Variants in RASL11B observed in about 807,000 individuals in gnomAD.
RASL11B encodes RAS like family 11 member B.
A neutral mutation model predicts 22.9 loss-of-function variants in RASL11B; 14 were observed. The ratio of observed to expected loss-of-function variants is 0.61; its 90% CI spans 0.40 to 0.96. RASL11B has a LOEUF of 0.96. RASL11B is among the 40% of genes least tolerant of loss of function. The probability of loss-of-function intolerance (pLI) is 0.00; values close to 1 mark genes in which losing one functional copy is unlikely to be tolerated. For synonymous variants in RASL11B, 143 were observed against 130.2 expected, an observed-to-expected ratio of 1.10 and a Z score of -0.67; for missense variants, 261 against 322.0, an observed-to-expected ratio of 0.81 and a Z score of 1.45.
rs572801329 is a variant in RASL11B, at chr4:52,862,907, G to T, written c.142+258G>T. On this transcript the variant is annotated intron_variant, in intron 1 of 3. Coordinates refer to ENST00000248706, the MANE Select transcript of RASL11B (RefSeq NM_023940.3). ...GCACCGCCGCCATCAGAACTTTGGGGTGTTTGAGCCTCTGGCAATGCCTGG... is the reference window on the plus strand; with the variant it reads ...GCACCGCCGCCATCAGAACTTTGGGTTGTTTGAGCCTCTGGCAATGCCTGG... Among the ~76,000 whole-genome samples, 19 of 152,334 alleles carry T rather than the reference G, an allele frequency of 1.2e-4. 1 individual carries two copies. The East Asian group carries it at 3.7e-3, about 29-fold the overall frequency.
Position 52,862,574 on chromosome 4 carries a change from G to C in RASL11B, c.67G>C (p.Asp23His). The change falls in exon 1 of 4, where the codon GAC becomes CAC. Residue 23 changes from aspartate to histidine, a missense_variant. Asp to His is a moderately conservative substitution (Grantham distance 81, BLOSUM62 -1). Transcript: ENST00000248706. ...YPAPGNAAAS[D>H]CCVGAAGRRL... Reference sequence around the variant, plus strand: ...CGCGCCGGGCAACGCCGCGGCCTCCGACTGCTGTGTGGGCGCCGCCGGCCG... The same window carrying C: ...CGCGCCGGGCAACGCCGCGGCCTCCCACTGCTGTGTGGGCGCCGCCGGCCG... 1 of 1,603,800 alleles carries C rather than the reference G, an allele frequency of 6.2e-7. No homozygotes were observed. Among genetic ancestry groups the C allele is most frequent in the Non-Finnish European group, 8.5e-7 (1 of 1,177,118 alleles).
In RASL11B at chr4:52,864,495, C is replaced by G; in HGVS notation, c.217C>G (p.Gln73Glu). The G allele has an allele frequency of 6.2e-7, 1 of 1,603,460 alleles. No individual in the cohort carries two copies. The highest frequency in any genetic ancestry group is 8.5e-7 in the Non-Finnish European group (1 of 1,170,298). ...CTTCATAGGTAATCTCTATACTAGA[C>G]AAGTTCAGATAGAAGGTGAAACCCT... ...ERNAGNLYTR[Q>E]VQIEGETLAL... The change falls in exon 3 of 4, where the codon CAA (glutamine) becomes GAA (glutamate). Residue 73 changes from glutamine to glutamate, a missense_variant. Transcript: ENST00000248706.
rs753088679 is a variant in RASL11B, at chr4:52,864,528, C to G, written c.250C>G (p.Gln84Glu). Residue 84 changes from glutamine (Q) to glutamate (E), a missense_variant, in exon 3 of 4, where the codon CAG becomes GAG. Transcript: ENST00000248706. ...VQIEGETLAL[Q>E]VQDTPGIQVH... ...GATAGAAGGTGAAACCCTGGCTCTT[C>G]AGGTTCAAGACACTCCAGGTATTCA... 6.2e-7 allele frequency: 1 copy of G among 1,610,858 alleles called. No homozygotes were observed. Among genetic ancestry groups the G allele is most frequent in the Non-Finnish European group, 8.5e-7 (1 of 1,176,964 alleles).
At position 52,865,531 on chromosome 4, in the gene RASL11B, A is replaced by C; in HGVS notation, c.473A>C (p.His158Pro). ...VVVANKADLL[H>P]IKQVDPQLGL... ...GTGGCCAACAAAGCTGACCTGTTGC[A>C]CATCAAACAGGTTGACCCTCAGCTT... The change falls in exon 4 of 4, where the codon CAC (histidine) becomes CCC (proline). Residue 158 changes from histidine (H) to proline (P), a missense_variant. Coordinates refer to ENST00000248706, the MANE Select transcript of RASL11B (RefSeq NM_023940.3). The C allele has an allele frequency of 6.2e-7, 1 of 1,614,216 alleles. No individual in the cohort carries two copies. The highest frequency in any genetic ancestry group is 1.7e-5 in the Admixed American group (1 of 60,030).
In RASL11B at chr4:52,865,385, C is replaced by T. The variant is rs752580245; in HGVS notation, c.327C>T (p.Arg109=). The change falls in exon 4 of 4, where the codon CGC becomes CGT. Residue 109 remains arginine, a synonymous_variant. Coordinates refer to ENST00000248706, the MANE Select transcript of RASL11B (RefSeq NM_023940.3). ...GTGAACAGCTGAATAGGTGCATTCGCTGGGCAGATGCTGTGGTGATCGTTT... is the reference window on the plus strand; with the variant it reads ...GTGAACAGCTGAATAGGTGCATTCGTTGGGCAGATGCTGTGGTGATCGTTT... ...SCSEQLNRCI[R]WADAVVIVFS... 6.2e-7 allele frequency: 1 copy of T among 1,614,138 alleles called. No individual in the cohort carries two copies. The highest frequency in any genetic ancestry group is 1.1e-5 in the South Asian group (1 of 91,080).
Position 52,865,809 on chromosome 4 carries a change from A to T in RASL11B, c.*4A>T. On this transcript the variant is annotated 3_prime_UTR_variant, in exon 4 of 4. Transcript: ENST00000248706. ...GAGGACTGTCACCTCCGTCTGAAGC[A>T]GGAGGAGCACTCAAGGGGGTTTGGT... The T allele has an allele frequency of 6.2e-7, 1 of 1,609,532 alleles. No individual in the cohort carries two copies. Among genetic ancestry groups the T allele is most frequent in the Non-Finnish European group, 8.5e-7 (1 of 1,176,644 alleles).
At chr4:52,864,970 C>T (rs879298156) in intron 3 of RASL11B, among the ~76,000 whole-genome samples, 48 of 152,238 alleles carry the variant, frequency 3.2e-4, no homozygotes, top group Admixed American at 3.1e-3. Flanking sequence ...TAGGGTTTTT[C>T]CCCCCGCCTC....
In RASL11B at chr4:52,865,839, C is replaced by G. The variant is rs1275861526; in HGVS notation, c.*34C>G. On this transcript the variant is annotated 3_prime_UTR_variant, in exon 4 of 4. Coordinates refer to ENST00000248706, the MANE Select transcript of RASL11B (RefSeq NM_023940.3). Reference sequence around the variant, plus strand: ...GAGCACTCAAGGGGGTTTGGTCTTCCCAGGAAGAGGGCCTGAGGTTCTCCT... The same window carrying G: ...GAGCACTCAAGGGGGTTTGGTCTTCGCAGGAAGAGGGCCTGAGGTTCTCCT... 6.6e-7 allele frequency: 1 copy of G among 1,526,306 alleles called. No individual in the cohort carries two copies. The allele number at this position is 1,526,306 out of a possible 1,614,324, so 94.5% of individuals were successfully genotyped here.
intron 1 of RASL11B, 146 bp downstream of exon 1, chr4:52,862,795 T>C (rs1447103165): frequency 1.3e-5 from 13 of 969,646 alleles, no homozygotes; most frequent in South Asian, 1.8e-5. Flanking sequence ...GGGAGTGGGC[T>C]TAGCCGTTGT....
chr4:52,863,263 T>G lies in RASL11B; in HGVS notation c.143-5T>G. On this transcript the variant is annotated splice_region_variant and splice_polypyrimidine_tract_variant and intron_variant, in intron 1 of 3. Coordinates refer to ENST00000248706, the MANE Select transcript of RASL11B (RefSeq NM_023940.3). The stretch of plus-strand genomic sequence containing the variant: ...CACTTTGACGTTCTTTTTTCTGACG[T>G]GCAGCACTGGTGGTCCGGTTCCTCA... 6.2e-7 allele frequency: 1 copy of G among 1,613,480 alleles called. No individual in the cohort carries two copies.
At chr4:52,863,691 C>T (rs1485646466) in intron 2 of RASL11B, 1 of 199,954 alleles carries the variant, frequency 5.0e-6, no homozygotes, top group African/African-American at 2.3e-5. Context: ...CCACCCCTCT[C>T]CTTCTCTGCT....
Position 52,865,396 on chromosome 4 carries a change from C to G in RASL11B, c.338C>G (p.Ala113Gly). The stretch of plus-strand genomic sequence containing the variant: ...AATAGGTGCATTCGCTGGGCAGATG[C>G]TGTGGTGATCGTTTTCTCCATCACT... ...QLNRCIRWAD[A>G]VVIVFSITDY... Residue 113 changes from alanine (A) to glycine (G), a missense_variant, in exon 4 of 4, where the codon GCT (alanine) becomes GGT (glycine). Physicochemically the swap from Ala to Gly is moderately conservative, Grantham distance 60. Coordinates refer to ENST00000248706, the MANE Select transcript of RASL11B (RefSeq NM_023940.3). The G allele has an allele frequency of 6.2e-7, 1 of 1,614,172 alleles. No individual in the cohort carries two copies. The highest frequency in any genetic ancestry group is 8.5e-7 in the Non-Finnish European group (1 of 1,180,026).
chr4:52,864,311 C>A, intron 2 of RASL11B, 167 bp from the exon 3 acceptor site: 1 of 576,844 alleles, frequency 1.7e-6, no homozygotes, highest in Non-Finnish European at 3.1e-6. Context: ...GTTAAAATTG[C>A]TGTTGTTTTT....
rs373878805 is a variant in RASL11B, at chr4:52,865,726, A to G, written c.668A>G (p.Lys223Arg). The change falls in exon 4 of 4, where the codon AAG (lysine) becomes AGG (arginine). Residue 223 changes from lysine (K) to arginine (R), a missense_variant. By Grantham distance (26) the Lys-to-Arg change is conservative. Coordinates refer to ENST00000248706, the MANE Select transcript of RASL11B (RefSeq NM_023940.3). Reference sequence around the variant, plus strand: ...AGAACCTCCCTCATTCCCAGGCCCAAGTCACCCAACATGCAGGACCTGAAG... The same window carrying G: ...AGAACCTCCCTCATTCCCAGGCCCAGGTCACCCAACATGCAGGACCTGAAG... Reference protein sequence around the residue: ...KRRTSLIPRPKSPNMQDLKRR... With the variant: ...KRRTSLIPRPRSPNMQDLKRR... 48 of 1,613,932 alleles carry G rather than the reference A, an allele frequency of 3.0e-5. No homozygotes were observed. The highest frequency in any genetic ancestry group is 4.0e-5 in the Non-Finnish European group (47 of 1,180,028).
chr4:52,864,316 G>GT (rs906403095), intron 2 of RASL11B, 162 bp from the exon 3 acceptor site: 1 of 581,286 alleles, frequency 1.7e-6, no homozygotes. Context: ...AATTGCTGTT[G>GT]TTTTTTAAAA....
intron 3 of RASL11B, 78 bp from the exon 4 acceptor site, chr4:52,865,257 T>C: frequency 8.0e-7 from 1 of 1,252,612 alleles, no homozygotes; most frequent in Non-Finnish European, 1.1e-6. Context: ...AGGGCTCTTT[T>C]GAATTTGAAA....
chr4:52,865,886 G>A lies in RASL11B; in HGVS notation c.*81G>A, dbSNP rs934764359. The A allele has an allele frequency of 1.7e-5, 17 of 1,019,532 alleles. No individual in the cohort carries two copies. Among genetic ancestry groups the A allele is most frequent in the Non-Finnish European group, 2.5e-5 (17 of 690,630 alleles). The allele number at this position is 1,019,532 out of a possible 1,614,324, so 63.2% of individuals were successfully genotyped here. A position where few individuals can be genotyped will look rare whatever the true frequency, so the allele number is the denominator to read the frequency against. On this transcript the variant is annotated 3_prime_UTR_variant, in exon 4 of 4. Coordinates refer to ENST00000248706, the MANE Select transcript of RASL11B (RefSeq NM_023940.3). ...TCCTAGTGCAGGAACGTTGAATATT[G>A]GCAATGATTCCTGGTTCCAGAAAGG...
In RASL11B at chr4:52,862,356, C is replaced by T. The variant is rs1221670160; in HGVS notation, c.-152C>T. 3 of 719,232 alleles carry T rather than the reference C, an allele frequency of 4.2e-6. No individual in the cohort carries two copies. The highest frequency in any genetic ancestry group is 6.3e-6 in the Non-Finnish European group (3 of 477,136). 44.6% of individuals were successfully genotyped at this position (719,232 alleles called of 1,614,324 possible). A position where few individuals can be genotyped will look rare whatever the true frequency, so the allele number is the denominator to read the frequency against. Reference sequence around the variant, plus strand: ...GCCTGAGCCCTGCGGAACCTCGGCGCTCGGCCCCACCCCGCCCGTACCTGC... The same window carrying T: ...GCCTGAGCCCTGCGGAACCTCGGCGTTCGGCCCCACCCCGCCCGTACCTGC... On this transcript the variant is annotated 5_prime_UTR_variant, in exon 1 of 4. Coordinates refer to ENST00000248706, the MANE Select transcript of RASL11B (RefSeq NM_023940.3).
rs376092135 is a variant in RASL11B, at chr4:52,863,358, A to G, written c.199+34A>G. On this transcript the variant is annotated intron_variant, in intron 2 of 3. Transcript: ENST00000248706. ...ATGCATTTGAGAAAAATTCTGTCCC[A>G]TTGCAGGAGGACTGCGGTTCCCATT... 2.5e-6 allele frequency: 4 copies of G among 1,570,802 alleles called. No individual in the cohort carries two copies. In the African/African-American group the frequency reaches 5.4e-5, roughly 21 times the overall value.
Sources: allele counts gnomAD v4.1 joint callset (sites outside exome capture counted in the v4.1 genomes callset), GRCh38; gene constraint gnomAD v4.1.1; transcripts MANE v1.5; gene names NCBI Gene and HGNC (gene_info 2026-07-23, HGNC 2026-07-21).